Variants in SPECC1L observed in about 807,000 individuals in gnomAD.
SPECC1L encodes cytospin-A.
A neutral mutation model predicts 116.8 loss-of-function variants in SPECC1L; 40 were observed. The observed-to-expected ratio is 0.34, with a 90% CI of 0.27 to 0.45. SPECC1L has a LOEUF of 0.45. Ranked by LOEUF, SPECC1L falls within the 20% of genes least tolerant of loss-of-function variation. The probability of loss-of-function intolerance (pLI) is 1.00; values close to 1 mark genes in which losing one functional copy is unlikely to be tolerated. For missense variants in SPECC1L, 1,110 were observed against 1,373.6 expected, an observed-to-expected ratio of 0.81 and a Z score of 3.03; for synonymous variants, 504 against 500.6, an observed-to-expected ratio of 1.01 and a Z score of -0.09.
rs1304366215 is a variant in SPECC1L, at chr22:24,317,057, C to T, written c.307+3591C>T. 1.8e-4 allele frequency among the ~76,000 whole-genome samples: 22 copies of T among 119,890 alleles called. 2 individuals carry two copies. The highest frequency in any genetic ancestry group is 1.1e-3 in the South Asian group (4 of 3,684). 78.7% of individuals were successfully genotyped at this position (119,890 alleles called of 152,430 possible). ...GGGGCTGACCCCCCCACCTCCCTCC[C>T]GGAGGGGGTGGCTGGCCGGGCGGTG... On this transcript the variant is annotated intron_variant, in intron 4 of 16. Coordinates refer to ENST00000314328, the MANE Select transcript of SPECC1L (RefSeq NM_015330.6).
At chr22:24,349,302 A>G (rs1202110774) in intron 11 of SPECC1L, among the ~76,000 whole-genome samples, 1 of 152,110 alleles carries the variant, frequency 6.6e-6, no homozygotes, top group Non-Finnish European at 1.5e-5. Flanking sequence ...TTGGCCTCCC[A>G]AAGTGCTGGG....
chr22:24,278,039 G>T (rs1188953407), intron 2 of SPECC1L, among the ~76,000 whole-genome samples: 58 of 151,616 alleles, frequency 3.8e-4, no homozygotes, highest in African/African-American at 1.3e-3. Context: ...CCAGTGTATG[G>T]ATTTGGGGGT....
At chr22:24,376,433 T>G (rs1263620181) in intron 14 of SPECC1L, among the ~76,000 whole-genome samples, 3 of 152,188 alleles carry the variant, frequency 2.0e-5, no homozygotes, top group Non-Finnish European at 4.4e-5. Flanking sequence ...CATTTACATA[T>G]AGTAACAGTA....
intron 4 of SPECC1L, among the ~76,000 whole-genome samples, chr22:24,320,330 A>G (rs1257572933): frequency 6.6e-6 from 1 of 152,204 alleles, no homozygotes; most frequent in Non-Finnish European, 1.5e-5. Context: ...TTTTGTATTA[A>G]ACAAATGATT....
At chr22:24,342,863 CG>C (rs916382772) in intron 10 of SPECC1L, among the ~76,000 whole-genome samples, 1 of 151,676 alleles carries the variant, frequency 6.6e-6, no homozygotes, top group Admixed American at 6.6e-5. Context: ...AAAGGCGGGT[CG>C]GGGGGCAGAG....
intron 2 of SPECC1L, among the ~76,000 whole-genome samples, chr22:24,294,015 C>T (rs2146376255): frequency 3.9e-5 from 1 of 25,392 alleles, no homozygotes; most frequent in African/African-American, 1.8e-4. Context: ...TAGGACTGCA[C>T]GGCTTTTATT....
chr22:24,330,160 TGCATTATA>T, intron 7 of SPECC1L, 88 bp from the exon 8 acceptor site: 1 of 1,221,882 alleles, frequency 8.2e-7, no homozygotes, highest in Non-Finnish European at 1.2e-6. Context: ...GAAGCATTAG[TGCATTATA>T]GCAATCCAAT....
At chr22:24,311,470 CAT>C (rs1200942883) in intron 3 of SPECC1L, among the ~76,000 whole-genome samples, 1 of 152,102 alleles carries the variant, frequency 6.6e-6, no homozygotes, top group African/African-American at 2.4e-5. Flanking sequence ...ACTTCGGCAT[CAT>C]AGTTGATGGC....
At chr22:24,398,155 A>G (rs2146765125) in intron 14 of SPECC1L, among the ~76,000 whole-genome samples, 1 of 152,360 alleles carries the variant, frequency 6.6e-6, no homozygotes, top group Non-Finnish European at 1.5e-5. Flanking sequence ...CCTGGGGCCA[A>G]GGGAACACTC....
At chr22:24,348,282 G>C (rs563232756) in intron 11 of SPECC1L, among the ~76,000 whole-genome samples, 1 of 152,276 alleles carries the variant, frequency 6.6e-6, no homozygotes, top group South Asian at 2.1e-4. Flanking sequence ...AGACTAGAAG[G>C]CTTCAACAGG....
chr22:24,303,017 A>G (rs1367871357), intron 3 of SPECC1L, among the ~76,000 whole-genome samples: 2 of 151,646 alleles, frequency 1.3e-5, no homozygotes, highest in African/African-American at 4.9e-5. Context: ...TTTTTTTTAA[A>G]TAGATGAGAT....
Position 24,322,409 on chromosome 22 carries a change from T to C in SPECC1L, c.1429T>C (p.Tyr477His). The C allele has an allele frequency of 6.2e-7, 1 of 1,614,240 alleles. No homozygotes were observed. Among genetic ancestry groups the C allele is most frequent in the Non-Finnish European group, 8.5e-7 (1 of 1,180,046 alleles). Residue 477 changes from tyrosine to histidine, a missense_variant, in exon 5 of 17, where the codon TAT becomes CAT. Physicochemically the swap from Tyr to His is moderately conservative, Grantham distance 83. Transcript: ENST00000314328. ...TCTTCTAGATGAGCATCACATTTCT[T>C]ATGTCATAGATGAAGATGTAAAAAG... ...RSLLDEHHIS[Y>H]VIDEDVKSGR...
chr22:24,394,414 G>T (rs1489090962), intron 14 of SPECC1L, among the ~76,000 whole-genome samples: 1 of 152,136 alleles, frequency 6.6e-6, no homozygotes, highest in Non-Finnish European at 1.5e-5. Context: ...CGTTCATGGG[G>T]ACTCCACCCT....
chr22:24,387,904 A>AC lies in SPECC1L; in HGVS notation c.3087+18585dup, dbSNP rs543142618. On this transcript the variant is annotated intron_variant, in intron 14 of 16. Transcript: ENST00000314328. ...TCCTTGCCTTTTCCAGCTTATAGAGACAGCCATGTTTCATGGCTTGTAGCC... is the reference window on the plus strand; with the variant it reads ...TCCTTGCCTTTTCCAGCTTATAGAGACCAGCCATGTTTCATGGCTTGTAGCC... Among the ~76,000 whole-genome samples, 12 of 152,218 alleles carry AC rather than the reference A, an allele frequency of 7.9e-5. No homozygotes were observed. In the South Asian group the frequency reaches 1.9e-3, roughly 24 times the overall value.
intron 10 of SPECC1L, chr22:24,343,515 C>T (rs1394571897): frequency 4.5e-6 from 2 of 445,306 alleles, no homozygotes; most frequent in Admixed American, 4.8e-5. Context: ...CGCTGGAATG[C>T]AGTGGCGTGA....
intron 12 of SPECC1L, among the ~76,000 whole-genome samples, chr22:24,365,011 G>T (rs1443926816): frequency 6.6e-6 from 1 of 151,936 alleles, no homozygotes; most frequent in African/African-American, 2.4e-5. Context: ...TTGTTTGTTT[G>T]TTTTTTGTTT....
intron 14 of SPECC1L, among the ~76,000 whole-genome samples, chr22:24,401,095 G>A (rs1407693631): frequency 1.3e-5 from 2 of 152,150 alleles, no homozygotes; most frequent in Non-Finnish European, 2.9e-5. Flanking sequence ...GCCACTTAAT[G>A]TCACCACACA....
At chr22:24,350,587 G>C (rs895584479) in intron 11 of SPECC1L, among the ~76,000 whole-genome samples, 2 of 152,206 alleles carry the variant, frequency 1.3e-5, no homozygotes, top group Non-Finnish European at 2.9e-5. Context: ...AGACGCCTGA[G>C]TTGCCTGCAG....
intron 14 of SPECC1L, among the ~76,000 whole-genome samples, chr22:24,405,021 A>G (rs534388895): frequency 6.6e-6 from 1 of 151,808 alleles, no homozygotes; most frequent in Non-Finnish European, 1.5e-5. Flanking sequence ...CAGGCCCTTC[A>G]TTTTTCTGTT....
Sources: gnomAD v4.1 joint callset for allele counts (sites outside exome capture counted in the v4.1 genomes callset) on GRCh38, gnomAD v4.1.1 for gene constraint, MANE v1.5 for transcripts, NCBI Gene and HGNC (gene_info 2026-07-23, HGNC 2026-07-21) for gene names.